The following PLXDC2 variants were observed in gnomAD, a reference collection of about 807,000 sequenced individuals.
PLXDC2 encodes the protein plexin domain-containing protein 2.
A neutral mutation model predicts 68.9 loss-of-function variants in PLXDC2; 40 were observed. The ratio of observed to expected loss-of-function variants is 0.58; its 90% CI spans 0.45 to 0.76. PLXDC2 has a LOEUF of 0.76. Among genes scored for constraint, PLXDC2 ranks in the 30% least tolerant of loss-of-function variants. The pLI is 0.00. For synonymous variants in PLXDC2, 243 were observed against 234.2 expected (o/e 1.04, Z -0.34); for missense variants, 644 against 661.9 (o/e 0.97, Z 0.30).
intron 1 of PLXDC2, among the ~76,000 whole-genome samples, chr10:19,848,181 T>G (rs1042821952): frequency 6.6e-6 from 1 of 152,148 alleles, no homozygotes; most frequent in Admixed American, 6.5e-5. Flanking sequence ...TTCCCTGGCT[T>G]TTTCAGTGCA....
intron 1 of PLXDC2, among the ~76,000 whole-genome samples, chr10:19,872,223 A>G (rs1837552189): frequency 6.6e-6 from 1 of 152,206 alleles, no homozygotes; most frequent in Non-Finnish European, 1.5e-5. Flanking sequence ...CAGGTCAAGT[A>G]GGAGAGAAAT....
At chr10:20,054,375 A>G (rs1386120938) in intron 3 of PLXDC2, among the ~76,000 whole-genome samples, 4 of 152,026 alleles carry the variant, frequency 2.6e-5, no homozygotes, top group Non-Finnish European at 5.9e-5. Context: ...TCTCAGATCA[A>G]TAAATTTGTA....
At chr10:19,893,279 C>T (rs1377096817) in intron 1 of PLXDC2, among the ~76,000 whole-genome samples, 2 of 152,022 alleles carry the variant, frequency 1.3e-5, no homozygotes, top group African/African-American at 2.4e-5. Context: ...AATACACATT[C>T]GAAGTGTCTA....
intron 2 of PLXDC2, among the ~76,000 whole-genome samples, chr10:20,023,418 G>A (rs941744089): frequency 1.3e-5 from 2 of 152,120 alleles, no homozygotes; most frequent in African/African-American, 4.8e-5. Flanking sequence ...TGACCCTAAG[G>A]CAGCAATGTT....
At chr10:19,905,962 T>C (rs990186722) in intron 1 of PLXDC2, among the ~76,000 whole-genome samples, 1 of 151,832 alleles carries the variant, frequency 6.6e-6, no homozygotes, top group Admixed American at 6.6e-5. Flanking sequence ...GTTATATATC[T>C]GGGCCCTGTT....
At chr10:19,923,662 G>A (rs1051422691) in intron 1 of PLXDC2, among the ~76,000 whole-genome samples, 1 of 152,192 alleles carries the variant, frequency 6.6e-6, no homozygotes, top group African/African-American at 2.4e-5. Context: ...GATTTCATGT[G>A]AAAAGATTGA....
At chr10:20,075,316 A>G (rs561690189) in intron 4 of PLXDC2, among the ~76,000 whole-genome samples, 4 of 152,100 alleles carry the variant, frequency 2.6e-5, no homozygotes, top group African/African-American at 9.6e-5. Flanking sequence ...AGCTCCCCAA[A>G]TAGCTGGGAC....
At chr10:20,252,964 CATT>C (rs1349306468) in intron 13 of PLXDC2, among the ~76,000 whole-genome samples, 8 of 115,620 alleles carry the variant, frequency 6.9e-5, no homozygotes, top group Non-Finnish European at 1.6e-4. Context: ...TTATTATCAT[CATT>C]ATCCTTATTT....
intron 1 of PLXDC2, among the ~76,000 whole-genome samples, chr10:19,827,770 G>T (rs1836601552): frequency 6.6e-6 from 1 of 152,094 alleles, no homozygotes; most frequent in Admixed American, 6.6e-5. Context: ...TGTTGGCCAA[G>T]CTGGTCTCCA....
chr10:20,280,061 G>T lies in PLXDC2; in HGVS notation c.*242G>T. On this transcript the variant is annotated 3_prime_UTR_variant, in exon 14 of 14. Transcript: ENST00000377252. ...ATTCCCTAGTGGAATGTCATCTATA[G>T]TTCACTCGGAACATCTCCCGTGGAC... The T allele has an allele frequency of 2.3e-6, 1 of 433,428 alleles. No individual in the cohort carries two copies. The highest frequency in any genetic ancestry group is 4.1e-6 in the Non-Finnish European group (1 of 243,432). 26.8% of individuals were successfully genotyped at this position (433,428 alleles called of 1,614,324 possible).
chr10:20,217,659 T>C, intron 11 of PLXDC2, 83 bp downstream of exon 11: 2 of 1,402,276 alleles, frequency 1.4e-6, no homozygotes, highest in Admixed American at 2.8e-5. Flanking sequence ...TGTTGACATG[T>C]ACTGGAATAG....
rs2119414454 is a variant in PLXDC2 at position 20,289,768 on chromosome 10, T to C, written c.*9949T>C. On this transcript the variant is annotated 3_prime_UTR_variant, in exon 14 of 14. Coordinates refer to ENST00000377252, the MANE Select transcript of PLXDC2 (RefSeq NM_032812.9). Reference sequence around the variant, plus strand: ...GGCTCTGTACAACTCAATTATAATTTTTTAAGAATCATACCTCTGTATAGA... The same window carrying C: ...GGCTCTGTACAACTCAATTATAATTCTTTAAGAATCATACCTCTGTATAGA... 1 of 152,318 alleles carries C rather than the reference T, an allele frequency of 6.6e-6. No individual in the cohort carries two copies. Among genetic ancestry groups the C allele is most frequent in the South Asian group, 2.1e-4 (1 of 4,826 alleles). 9.4% of individuals were successfully genotyped at this position (152,318 alleles called of 1,614,324 possible).
At chr10:19,973,357 T>A (rs533397232) in intron 1 of PLXDC2, among the ~76,000 whole-genome samples, 9 of 144,688 alleles carry the variant, frequency 6.2e-5, no homozygotes, top group African/African-American at 2.5e-4. Flanking sequence ...TATACTCACA[T>A]ATATATGTAT....
chr10:19,995,490 G>T (rs1017000087), intron 1 of PLXDC2, among the ~76,000 whole-genome samples: 1 of 152,184 alleles, frequency 6.6e-6, no homozygotes, highest in African/African-American at 2.4e-5. Flanking sequence ...CTTTTGTCTA[G>T]CATGTACCAA....
chr10:20,066,911 C>T (rs1019131922), intron 3 of PLXDC2, among the ~76,000 whole-genome samples: 2 of 152,084 alleles, frequency 1.3e-5, no homozygotes, highest in Non-Finnish European at 2.9e-5. Flanking sequence ...GTAGTTTGTA[C>T]ATGTGTGCTG....
chr10:19,852,027 T>A (rs564495023), intron 1 of PLXDC2, among the ~76,000 whole-genome samples: 2 of 152,120 alleles, frequency 1.3e-5, no homozygotes, highest in African/African-American at 2.4e-5. Flanking sequence ...CAAAGTGTGG[T>A]CCATAGCAAC....
chr10:20,171,607 G>T (rs1045209476), intron 7 of PLXDC2, among the ~76,000 whole-genome samples: 5 of 151,966 alleles, frequency 3.3e-5, no homozygotes, highest in Non-Finnish European at 7.4e-5. Flanking sequence ...GATTTTTAAA[G>T]ACAAGTAAAA....
intron 6 of PLXDC2, among the ~76,000 whole-genome samples, chr10:20,150,597 G>A (rs1834139964): frequency 6.6e-6 from 1 of 152,152 alleles, no homozygotes; most frequent in African/African-American, 2.4e-5. Context: ...TAACTGCACA[G>A]TGACGTTTTG....
At chr10:20,194,190 C>CTGTGTGTGTGTGTG (rs58142621) in intron 9 of PLXDC2, among the ~76,000 whole-genome samples, 13,621 of 143,468 alleles carry the variant, frequency 0.095, 889 homozygotes, top group East Asian at 0.16. Context: ...TTGAACTCAG[C>CTGTGTGTGTGTGTG]TGTGTGTGTG....
Sources: allele counts gnomAD v4.1 joint callset (sites outside exome capture counted in the v4.1 genomes callset), GRCh38; gene constraint gnomAD v4.1.1; transcripts MANE v1.5; gene names NCBI Gene and HGNC (gene_info 2026-07-23, HGNC 2026-07-21).